The following AARS1 variants were observed in gnomAD, a reference collection of about 807,000 sequenced individuals.
AARS1 encodes the protein alanyl-tRNA synthetase 1.
A neutral mutation model predicts 108.9 loss-of-function variants in AARS1; 72 were observed. The observed-to-expected ratio is 0.66, with a 90% CI of 0.55 to 0.80. The LOEUF is 0.80. AARS1 is among the 30% of genes least tolerant of loss of function. AARS1 has a pLI of 0.00. For synonymous variants in AARS1, 489 were observed against 465.7 expected, an observed-to-expected ratio of 1.05 and a Z score of -0.64; for missense variants, 1,193 against 1,233.2, an observed-to-expected ratio of 0.97 and a Z score of 0.49.
At chr16:70,277,216 A>T in intron 2 of AARS1, 62 bp from the exon 3 acceptor site, 2 of 1,517,358 alleles carry the variant, frequency 1.3e-6, no homozygotes, top group Admixed American at 3.3e-5. Flanking sequence ...GTGGCCACAC[A>T]CTAGCAGGAA....
intron 1 of AARS1, among the ~76,000 whole-genome samples, chr16:70,286,253 G>A (rs190959140): frequency 3.0e-4 from 46 of 152,152 alleles, no homozygotes; most frequent in East Asian, 5.8e-4. Flanking sequence ...AGGGCTATAT[G>A]GGATACAGAG....
Position 70,267,684 on chromosome 16 carries a change from G to T in AARS1, c.1197C>A (p.Ser399Arg), listed in dbSNP as rs1004244836. ...CGGGAATGGTCTTGCTGTCTCCCAG[G>T]CTCTGAATTTTCCTGTCCAGGATGC... ...GRRILDRKIQ[S>R]LGDSKTIPGD... Residue 399 changes from serine to arginine, a missense_variant, in exon 9 of 21, where the codon AGC becomes AGA. Ser to Arg is a moderately radical substitution (Grantham distance 110). Transcript: ENST00000261772. 2 of 1,614,176 alleles carry T rather than the reference G, an allele frequency of 1.2e-6. No individual in the cohort carries two copies. Among genetic ancestry groups the T allele is most frequent in the Non-Finnish European group, 1.7e-6 (2 of 1,180,034 alleles).
intron 20 of AARS1, 88 bp downstream of exon 20, chr16:70,253,180 G>T: frequency 8.6e-7 from 1 of 1,158,372 alleles, no homozygotes; most frequent in Non-Finnish European, 1.3e-6. Context: ...GGGCAGAAAG[G>T]CTGTTTCGAA....
At chr16:70,265,197 G>T (rs1221269874) in intron 10 of AARS1, 95 bp from the exon 11 acceptor site, 1 of 1,479,640 alleles carries the variant, frequency 6.8e-7, no homozygotes. Flanking sequence ...AGCATAAACT[G>T]CCAGAACAGG....
rs767164973 is a variant in AARS1, at chr16:70,253,957, C to CGACT, written c.2481_2482insAGTC (p.Asp828SerfsTer47). On this transcript the variant is annotated frameshift_variant, in exon 18 of 21. Coordinates refer to ENST00000261772, the MANE Select transcript of AARS1 (RefSeq NM_001605.3). LOFTEE classifies it high-confidence loss of function. ...TCGGCTTTGCTGGCTCGGTCCAAGT[C>CGACT]ATCCATGACCTTCTTTAGGGATTTG... The CGACT allele has an allele frequency of 1.2e-6, 2 of 1,614,200 alleles. No individual in the cohort carries two copies. The highest frequency in any genetic ancestry group is 2.2e-5 in the South Asian group (2 of 91,070).
At chr16:70,256,358 G>T (rs944427436) in intron 15 of AARS1, among the ~76,000 whole-genome samples, 1 of 152,150 alleles carries the variant, frequency 6.6e-6, no homozygotes, top group African/African-American at 2.4e-5. Flanking sequence ...AGGCTGGAGT[G>T]CAATGGTGTG....
chr16:70,272,889 G>GACACACACACACACACACACACACAC (rs71928705), intron 4 of AARS1, among the ~76,000 whole-genome samples: 8 of 140,382 alleles, frequency 5.7e-5, no homozygotes, highest in East Asian at 2.0e-4. Flanking sequence ...CAGCCTGGGT[G>GACACACACACACACACACACACACAC]ACACACACAC....
chr16:70,254,414 T>C lies in AARS1; in HGVS notation c.2400+207A>G, dbSNP rs2152150574. 3 of 613,430 alleles carry C rather than the reference T, an allele frequency of 4.9e-6. No homozygotes were observed. In the East Asian group the frequency reaches 8.7e-5, roughly 18 times the overall value. The allele number at this position is 613,430 out of a possible 1,614,324, so 38.0% of individuals were successfully genotyped here. A position where few individuals can be genotyped will look rare whatever the true frequency, so the allele number is the denominator to read the frequency against. ...ACATGCTTGGGAAGAGCTCTCCTGC[T>C]AGCAGCACTGGGAGCAGCAGGGAAT... is the stretch of plus-strand genomic sequence containing the variant. On this transcript the variant is annotated intron_variant, in intron 17 of 20. Transcript: ENST00000261772.
rs1567607780 is a variant in AARS1, at chr16:70,270,268, T to TA, written c.743dup (p.Ser249IlefsTer6). ...TGGACATCTTATTCTGCAGCACAGA[T>TA]ACCAGTCGTTCCAGGCCCATCCCTG... On this transcript the variant is annotated frameshift_variant, in exon 6 of 21. Transcript: ENST00000261772. LOFTEE classifies it high-confidence loss of function. 1.4e-5 allele frequency: 22 copies of TA among 1,614,184 alleles called. No homozygotes were observed. The highest frequency in any genetic ancestry group is 1.8e-5 in the Non-Finnish European group (21 of 1,180,024).
At chr16:70,279,730 G>A (rs1429203838) in intron 2 of AARS1, among the ~76,000 whole-genome samples, 2 of 151,618 alleles carry the variant, frequency 1.3e-5, no homozygotes, top group Non-Finnish European at 2.9e-5. Flanking sequence ...TTGTTCAGGC[G>A]GCTCATGTGG....
At chr16:70,255,674 C>T in intron 16 of AARS1, 54 bp downstream of exon 16, 1 of 1,507,814 alleles carries the variant, frequency 6.6e-7, no homozygotes, top group Non-Finnish European at 9.2e-7. Context: ...GATTCGCAGA[C>T]TGGGCTCCTC....
intron 2 of AARS1, among the ~76,000 whole-genome samples, chr16:70,280,622 C>G (rs1167236295): frequency 6.6e-6 from 1 of 152,146 alleles, no homozygotes; most frequent in Non-Finnish European, 1.5e-5. Flanking sequence ...CCCGGGGGAG[C>G]AGGGCTCCAA....
intron 7 of AARS1, 34 bp downstream of exon 7, chr16:70,269,584 G>T (rs375745588): frequency 1.1e-5 from 17 of 1,611,778 alleles, no homozygotes; most frequent in Non-Finnish European, 1.4e-5. Flanking sequence ...ACGTGGTGCC[G>T]CTCCAAACAC....
intron 16 of AARS1, among the ~76,000 whole-genome samples, chr16:70,255,181 T>C (rs1959951403): frequency 6.8e-6 from 1 of 147,162 alleles, no homozygotes; most frequent in Admixed American, 6.8e-5. Flanking sequence ...AGGGGGTAGA[T>C]GGCCAGATTC....
intron 2 of AARS1, among the ~76,000 whole-genome samples, chr16:70,279,217 G>C (rs77749002): frequency 2.0e-5 from 3 of 151,602 alleles, no homozygotes; most frequent in African/African-American, 7.3e-5. Context: ...AGGCATGGTG[G>C]GGGGGTGCCT....
chr16:70,263,768 C>G (rs549257440), intron 11 of AARS1, among the ~76,000 whole-genome samples: 1 of 151,990 alleles, frequency 6.6e-6, no homozygotes, highest in South Asian at 2.1e-4. Flanking sequence ...CCACAAATAG[C>G]TGGGACTACA....
chr16:70,253,125 TA>T (rs1959883540), intron 20 of AARS1, 142 bp downstream of exon 20: 1 of 880,078 alleles, frequency 1.1e-6, no homozygotes, highest in Non-Finnish European at 1.9e-6. Context: ...TCTTCACCAA[TA>T]AGAAGGCCTG....
chr16:70,276,432 C>T, intron 4 of AARS1, 54 bp downstream of exon 4: 2 of 1,597,680 alleles, frequency 1.3e-6, no homozygotes, highest in South Asian at 2.2e-5. Flanking sequence ...CCCACTCTGG[C>T]ACTGAGTGTC....
At chr16:70,270,680 A>C (rs1310961441) in intron 5 of AARS1, among the ~76,000 whole-genome samples, 1 of 151,778 alleles carries the variant, frequency 6.6e-6, no homozygotes, top group Non-Finnish European at 1.5e-5. Flanking sequence ...TCTACTAAAA[A>C]TACAAAATTA....
Sources: allele counts gnomAD v4.1 joint callset (sites outside exome capture counted in the v4.1 genomes callset), GRCh38; gene constraint gnomAD v4.1.1; transcripts MANE v1.5; gene names NCBI Gene and HGNC (gene_info 2026-07-23, HGNC 2026-07-21).